Variants in AUH observed in about 807,000 individuals in gnomAD.
AUH encodes methylglutaconyl-CoA hydratase, mitochondrial.
A neutral mutation model predicts 42.3 loss-of-function variants in AUH; 29 were observed. That is an observed-to-expected ratio of 0.69 (90% CI 0.51 to 0.93). AUH has a LOEUF of 0.93. AUH is among the 40% of genes least tolerant of loss of function. The pLI is 0.00. For synonymous variants in AUH, 174 were observed against 166.4 expected (o/e 1.05, Z -0.35); for missense variants, 452 against 438.1 (o/e 1.03, Z -0.28).
chr9:91,324,577 T>A, intron 4 of AUH, among the ~76,000 whole-genome samples: 1 of 147,936 alleles, frequency 6.8e-6, no homozygotes, highest in Non-Finnish European at 1.5e-5. Flanking sequence ...CAAATCTCAT[T>A]TGAAAAGATA....
intron 4 of AUH, among the ~76,000 whole-genome samples, chr9:91,313,472 G>A (rs1360938222): frequency 1.3e-5 from 2 of 152,006 alleles, no homozygotes; most frequent in African/African-American, 4.8e-5. Flanking sequence ...TTGGGAGGCC[G>A]AGGCGGGTGG....
intron 1 of AUH, among the ~76,000 whole-genome samples, chr9:91,356,663 C>T (rs1417220794): frequency 2.0e-5 from 3 of 152,132 alleles, no homozygotes; most frequent in African/African-American, 7.2e-5. Flanking sequence ...AAACAAAGTT[C>T]ATTATCTCTC....
chr9:91,319,750 C>T (rs1168140034), intron 4 of AUH, among the ~76,000 whole-genome samples: 7 of 152,198 alleles, frequency 4.6e-5, no homozygotes, highest in East Asian at 1.9e-4. Context: ...CAGGCCACTG[C>T]GCATGCAGAC....
Position 91,261,228 on chromosome 9 carries a change from A to C in AUH, c.655+34793T>G, listed in dbSNP as rs571905912. Among the ~76,000 whole-genome samples the C allele has an allele frequency of 3.9e-5, 6 of 152,250 alleles. No homozygotes were observed. In the South Asian group the frequency reaches 1.2e-3, roughly 32 times the overall value. ...GTGCTGGATTATGCTGTATTTCTTC[A>C]AAGCATATTGAATGATGTACCAAAG... On this transcript the variant is annotated intron_variant, in intron 6 of 9. Coordinates refer to ENST00000375731, the MANE Select transcript of AUH (RefSeq NM_001698.3).
chr9:91,266,531 T>TA (rs1829987694), intron 6 of AUH, among the ~76,000 whole-genome samples: 2 of 152,176 alleles, frequency 1.3e-5, no homozygotes, highest in Non-Finnish European at 1.5e-5. Flanking sequence ...TCTACAATAA[T>TA]AAACCCTGAG....
intron 4 of AUH, among the ~76,000 whole-genome samples, chr9:91,314,662 G>T (rs1480197353): frequency 6.6e-6 from 1 of 151,678 alleles, no homozygotes. Flanking sequence ...AACCTCAGAG[G>T]CTGAATTCGT....
chr9:91,240,537 T>C (rs1342307192), intron 6 of AUH, among the ~76,000 whole-genome samples: 3 of 152,154 alleles, frequency 2.0e-5, no homozygotes, highest in Non-Finnish European at 4.4e-5. Context: ...GGAGCTGTAC[T>C]TCCAGGGAGA....
intron 4 of AUH, among the ~76,000 whole-genome samples, chr9:91,308,271 G>A (rs1392411565): frequency 6.6e-6 from 1 of 152,206 alleles, no homozygotes; most frequent in Non-Finnish European, 1.5e-5. Flanking sequence ...TGGGGCAGGA[G>A]GATCATTTGA....
chr9:91,324,289 G>A (rs1000228008), intron 4 of AUH, among the ~76,000 whole-genome samples: 3 of 152,030 alleles, frequency 2.0e-5, no homozygotes, highest in African/African-American at 7.2e-5. Context: ...GATCGCTTGA[G>A]GCAGGAGTTC....
At chr9:91,360,644 T>C (rs1832776285) in intron 1 of AUH, among the ~76,000 whole-genome samples, 2 of 152,234 alleles carry the variant, frequency 1.3e-5, no homozygotes, top group South Asian at 4.1e-4. Flanking sequence ...AAGAATGCCT[T>C]GGAACCCCTT....
intron 3 of AUH, among the ~76,000 whole-genome samples, chr9:91,331,993 A>G (rs1830361575): frequency 1.3e-5 from 2 of 152,274 alleles, no homozygotes; most frequent in South Asian, 4.1e-4. Context: ...TTTTGTTCCT[A>G]TTATTGCTAA....
chr9:91,268,073 A>G (rs1830072759), intron 6 of AUH, among the ~76,000 whole-genome samples: 1 of 152,176 alleles, frequency 6.6e-6, no homozygotes, highest in African/African-American at 2.4e-5. Flanking sequence ...TGAAGACCAG[A>G]CTAAAACCCC....
chr9:91,271,090 C>T (rs999414998), intron 6 of AUH, among the ~76,000 whole-genome samples: 2 of 152,064 alleles, frequency 1.3e-5, no homozygotes, highest in African/African-American at 4.8e-5. Context: ...TTAAGTTTCC[C>T]TTCTCCAAAT....
chr9:91,345,525 G>A (rs1831429294), intron 3 of AUH, among the ~76,000 whole-genome samples: 1 of 152,092 alleles, frequency 6.6e-6, no homozygotes, highest in African/African-American at 2.4e-5. Context: ...AGACAGTGCG[G>A]TATTGGCATT....
At chr9:91,328,601 G>A (rs1564105920) in intron 3 of AUH, among the ~76,000 whole-genome samples, 1 of 152,070 alleles carries the variant, frequency 6.6e-6, no homozygotes, top group African/African-American at 2.4e-5. Context: ...AAGACTACAG[G>A]CTCAGCCAGA....
chr9:91,332,690 G>A (rs1190218354), intron 3 of AUH, among the ~76,000 whole-genome samples: 1 of 152,116 alleles, frequency 6.6e-6, no homozygotes, highest in Admixed American at 6.5e-5. Context: ...AAAGGCAAAG[G>A]GAAGTGGAAT....
At chr9:91,240,069 T>C (rs1217842281) in intron 6 of AUH, among the ~76,000 whole-genome samples, 3 of 152,220 alleles carry the variant, frequency 2.0e-5, no homozygotes, top group African/African-American at 7.2e-5. Flanking sequence ...GTCTTAATCA[T>C]TAAAAACAAA....
chr9:91,271,573 C>T (rs988992867), intron 6 of AUH, among the ~76,000 whole-genome samples: 6 of 152,192 alleles, frequency 3.9e-5, no homozygotes, highest in Non-Finnish European at 5.9e-5. Flanking sequence ...AAGAAGACTA[C>T]GTTTAGTAGG....
chr9:91,288,734 GTCTT>G lies in AUH; in HGVS notation c.655+7283_655+7286del, dbSNP rs974994179. On this transcript the variant is annotated intron_variant, in intron 6 of 9. Transcript: ENST00000375731. ...TTTTAATGTTTCCACATTCCTTCAC[GTCTT>G]TCTTTTTATTGCACTATATACTTTT... Among the ~76,000 whole-genome samples the G allele has an allele frequency of 1.2e-4, 18 of 151,934 alleles. No individual in the cohort carries two copies. The South Asian group carries it at 1.9e-3, about 16-fold the overall frequency.
Sources: gnomAD v4.1 joint callset for allele counts (sites outside exome capture counted in the v4.1 genomes callset) on GRCh38, gnomAD v4.1.1 for gene constraint, MANE v1.5 for transcripts, NCBI Gene and HGNC (gene_info 2026-07-23, HGNC 2026-07-21) for gene names.